KATNIP: variants seen among roughly 807,000 people sequenced by gnomAD.
KATNIP encodes katanin-interacting protein.
Under a neutral mutation model 174.0 loss-of-function variants are expected in KATNIP, and 126 were observed. The ratio of observed to expected loss-of-function variants is 0.72; its 90% CI spans 0.63 to 0.84. The LOEUF is 0.84. Among genes scored for constraint, KATNIP ranks in the 40% least tolerant of loss-of-function variants. The probability of loss-of-function intolerance (pLI) is 0.00; values close to 1 mark genes in which losing one functional copy is unlikely to be tolerated. For synonymous variants in KATNIP, 810 were observed against 835.7 expected, an observed-to-expected ratio of 0.97 and a Z score of 0.53; for missense variants, 1,958 against 2,109.7, an observed-to-expected ratio of 0.93 and a Z score of 1.41.
chr16:27,585,560 C>T (rs2090864915), intron 2 of KATNIP, among the ~76,000 whole-genome samples: 1 of 152,074 alleles, frequency 6.6e-6, no homozygotes, highest in African/African-American at 2.4e-5. Context: ...GAATGTGGTA[C>T]ACACACACAA....
At chr16:27,605,585 C>T (rs550877442) in intron 2 of KATNIP, among the ~76,000 whole-genome samples, 27 of 152,228 alleles carry the variant, frequency 1.8e-4, no homozygotes, top group East Asian at 1.9e-4. Context: ...CCCAAACGCT[C>T]CCTTTGATTA....
rs577953609 is a variant in KATNIP at position 27,763,981 on chromosome 16, C to T, written c.3810-2328C>T. 7.2e-5 allele frequency among the ~76,000 whole-genome samples: 11 copies of T among 152,282 alleles called. No individual in the cohort carries two copies. The South Asian group carries it at 2.3e-3, about 32-fold the overall frequency. ...TCAGATTGAGGTTTGACTACTAGGG[C>T]AAGATGGCCCTGGGGACATACAGAA... On this transcript the variant is annotated intron_variant, in intron 19 of 27. Transcript: ENST00000261588.
At chr16:27,571,448 GA>G (rs761147324) in intron 1 of KATNIP, among the ~76,000 whole-genome samples, 102 of 139,092 alleles carry the variant, frequency 7.3e-4, no homozygotes, top group South Asian at 6.0e-3. Context: ...AACTCTTAAA[GA>G]AAAAAAAAAA....
chr16:27,580,010 G>A (rs1323955830), intron 2 of KATNIP, among the ~76,000 whole-genome samples: 1 of 151,966 alleles, frequency 6.6e-6, no homozygotes, highest in African/African-American at 2.4e-5. Flanking sequence ...TGCCTCCAGG[G>A]ACGAGGTTAT....
chr16:27,710,402 G>A (rs2058999014), intron 13 of KATNIP, among the ~76,000 whole-genome samples: 1 of 152,150 alleles, frequency 6.6e-6, no homozygotes, highest in Admixed American at 6.5e-5. Flanking sequence ...AAAAGATCGG[G>A]GAGGGTACTG....
At chr16:27,703,810 C>A (rs1442447310) in intron 11 of KATNIP, 86 bp from the exon 12 acceptor site, 3 of 1,001,072 alleles carry the variant, frequency 3.0e-6, no homozygotes, top group African/African-American at 3.2e-5. Context: ...CATTTCCTAT[C>A]CCCGAGTGCA....
intron 2 of KATNIP, among the ~76,000 whole-genome samples, chr16:27,584,051 T>C (rs1335483299): frequency 1.3e-5 from 2 of 152,172 alleles, no homozygotes; most frequent in African/African-American, 4.8e-5. Context: ...AGCTTCAGTT[T>C]CTTTCTATAT....
At chr16:27,588,171 T>C (rs2012015) in intron 2 of KATNIP, among the ~76,000 whole-genome samples, 128,214 of 151,878 alleles carry the variant, frequency 0.84, 54,238 homozygotes, top group East Asian at 1. Context: ...GGATTACCGC[T>C]GGGAGCCACT....
At chr16:27,715,584 C>T (rs921453481) in intron 13 of KATNIP, among the ~76,000 whole-genome samples, 9 of 151,998 alleles carry the variant, frequency 5.9e-5, no homozygotes, top group Middle Eastern at 3.4e-3. Context: ...AGAAAAAAAC[C>T]GTAATGACAA....
At chr16:27,729,549 A>G (rs1161147316) in intron 14 of KATNIP, among the ~76,000 whole-genome samples, 2 of 152,188 alleles carry the variant, frequency 1.3e-5, no homozygotes, top group African/African-American at 2.4e-5. Context: ...AGAACATAGG[A>G]GTCACATGCT....
At chr16:27,758,020 A>G (rs562930366) in intron 18 of KATNIP, among the ~76,000 whole-genome samples, 1 of 152,374 alleles carries the variant, frequency 6.6e-6, no homozygotes, top group South Asian at 2.1e-4. Context: ...ACTAATTGAT[A>G]CACCAGAGGA....
intron 1 of KATNIP, among the ~76,000 whole-genome samples, chr16:27,558,172 G>A (rs1277248946): frequency 6.6e-6 from 1 of 152,134 alleles, no homozygotes; most frequent in East Asian, 1.9e-4. Flanking sequence ...TTTAGATAGA[G>A]TCTTGTTCTC....
At chr16:27,631,595 T>TG (rs1192258475) in intron 5 of KATNIP, among the ~76,000 whole-genome samples, 1 of 150,294 alleles carries the variant, frequency 6.7e-6, no homozygotes, top group Non-Finnish European at 1.5e-5. Context: ...TGGCTGGGCA[T>TG]GGTAGTGTGC....
At chr16:27,739,993 T>TGTTCC (rs1288934731) in intron 14 of KATNIP, 48 bp from the exon 15 acceptor site, 1 of 1,541,524 alleles carries the variant, frequency 6.5e-7, no homozygotes. Context: ...ATTTCATACA[T>TGTTCC]CAGTCTGATG....
Position 27,715,843 on chromosome 16 carries a change from G to A in KATNIP, c.1606-5715G>A, listed in dbSNP as rs183356748. 3.9e-3 allele frequency among the ~76,000 whole-genome samples: 589 copies of A among 152,244 alleles called. 2 individuals carry two copies. Among genetic ancestry groups the A allele is most frequent in the Middle Eastern group, 6.8e-3 (2 of 294 alleles). ...TTGGAACCTTCATTCTTTGCTTGTG[G>A]AAATGTAAAATGGTGCAGCCCCTGT... On this transcript the variant is annotated intron_variant, in intron 13 of 27. Transcript: ENST00000261588.
At position 27,721,682 on chromosome 16, in the gene KATNIP, G is replaced by A. The variant is rs200353633; in HGVS notation, c.1730G>A (p.Trp577Ter). The A allele has an allele frequency of 2.9e-4, 461 of 1,613,924 alleles. No individual in the cohort carries two copies. Among genetic ancestry groups the A allele is most frequent in the Admixed American group, 4.0e-4 (24 of 60,000 alleles). ...GCCAAGATCAAGGTTCGGAATTACTGGACAGCTGATGGCGTAAGTAACAGG... is the reference window on the plus strand; with the variant it reads ...GCCAAGATCAAGGTTCGGAATTACTAGACAGCTGATGGCGTAAGTAACAGG... ...HLAKIKVRNY[W>*]TADGDLDIGA... Residue 577 changes from tryptophan (W) to a stop codon, truncating the protein, a stop_gained, in exon 14 of 28, where the codon TGG becomes TAG. Coordinates refer to ENST00000261588, the MANE Select transcript of KATNIP (RefSeq NM_015202.5). LOFTEE classifies it high-confidence loss of function.
chr16:27,686,164 C>G (rs907388009), intron 8 of KATNIP, among the ~76,000 whole-genome samples: 5 of 152,164 alleles, frequency 3.3e-5, no homozygotes, highest in African/African-American at 1.2e-4. Flanking sequence ...CCTGAAACTT[C>G]CTAAAAGTGC....
intron 14 of KATNIP, among the ~76,000 whole-genome samples, chr16:27,735,401 C>G (rs947799424): frequency 6.6e-6 from 1 of 152,216 alleles, no homozygotes; most frequent in African/African-American, 2.4e-5. Flanking sequence ...TAGATGGTTT[C>G]CCCATCACCC....
At chr16:27,655,798 G>A (rs1238088023) in intron 6 of KATNIP, among the ~76,000 whole-genome samples, 12 of 152,108 alleles carry the variant, frequency 7.9e-5, no homozygotes, top group Non-Finnish European at 1.3e-4. Context: ...GGAAGCCCAG[G>A]CTCATGACTC....
Sources: gnomAD v4.1 joint callset for allele counts (sites outside exome capture counted in the v4.1 genomes callset) on GRCh38, gnomAD v4.1.1 for gene constraint, MANE v1.5 for transcripts, NCBI Gene and HGNC (gene_info 2026-07-23, HGNC 2026-07-21) for gene names.